Variants in GLIPR1L1 observed in about 807,000 individuals in gnomAD.
GLIPR1L1 encodes GLIPR1 like 1, also known as GLIPR1-like protein 1.
A neutral mutation model predicts 29.9 loss-of-function variants in GLIPR1L1; 26 were observed. The ratio of observed to expected loss-of-function variants is 0.87; its 90% CI spans 0.64 to 1.21. The LOEUF (loss-of-function observed/expected upper bound fraction) is 1.21, where lower values mean the gene tolerates loss of function less well. Among genes scored for constraint, GLIPR1L1 ranks in the 50% most tolerant of loss-of-function variants. The pLI, the probability that GLIPR1L1 is intolerant of heterozygous loss-of-function variation, is 0.00. For synonymous variants in GLIPR1L1, 77 were observed against 97.5 expected, an observed-to-expected ratio of 0.79 and a Z score of 1.24; for missense variants, 305 against 290.3, an observed-to-expected ratio of 1.05 and a Z score of -0.37.
chr12:75,349,988 G>A (rs1168887853), intron 3 of GLIPR1L1, among the ~76,000 whole-genome samples: 1 of 152,224 alleles, frequency 6.6e-6, no homozygotes, highest in East Asian at 1.9e-4. Flanking sequence ...TAAGAAGACC[G>A]GGTCCCGGGA....
At chr12:75,345,640 C>G (rs1415615211) in intron 2 of GLIPR1L1, among the ~76,000 whole-genome samples, 2 of 152,090 alleles carry the variant, frequency 1.3e-5, no homozygotes, top group East Asian at 3.9e-4. Flanking sequence ...CTCTCCAGGA[C>G]ATCAGGAAAA....
rs1027716489 is a variant in GLIPR1L1, at chr12:75,363,243, A to G, written c.610+53A>G. 7 of 832,336 alleles carry G rather than the reference A, an allele frequency of 8.4e-6. No homozygotes were observed. The African/African-American group carries it at 1.1e-4, about 13-fold the overall frequency. 51.6% of individuals were successfully genotyped at this position (832,336 alleles called of 1,614,324 possible). A position where few individuals can be genotyped will look rare whatever the true frequency, so the allele number is the denominator to read the frequency against. On this transcript the variant is annotated intron_variant, in intron 4 of 5. Coordinates refer to ENST00000378695, the MANE Select transcript of GLIPR1L1 (RefSeq NM_001304964.2). ...CATTTAGAGAGTAAAGTTTCCATAT[A>G]TTTATTAAATTTTAAAATTTGGCTT... is the stretch of plus-strand genomic sequence containing the variant.
intron 3 of GLIPR1L1, among the ~76,000 whole-genome samples, chr12:75,348,802 A>G (rs1032548468): frequency 1.3e-5 from 2 of 152,252 alleles, no homozygotes; most frequent in Non-Finnish European, 2.9e-5. Flanking sequence ...ATAAAAAGCA[A>G]AACAGATGAA....
In GLIPR1L1 at chr12:75,363,204, T is replaced by C; in HGVS notation, c.610+14T>C. On this transcript the variant is annotated intron_variant, in intron 4 of 5. Transcript: ENST00000378695. ...AGAACCTCTGCAGTAAGCAAAAATA[T>C]ATATATATAATTACATTTAGAGAGT... The C allele has an allele frequency of 8.2e-7, 1 of 1,212,960 alleles. No individual in the cohort carries two copies. The highest frequency in any genetic ancestry group is 1.1e-6 in the Non-Finnish European group (1 of 895,438). The allele number at this position is 1,212,960 out of a possible 1,614,324, so 75.1% of individuals were successfully genotyped here. A position where few individuals can be genotyped will look rare whatever the true frequency, so the allele number is the denominator to read the frequency against.
chr12:75,361,599 G>A (rs991890182), intron 3 of GLIPR1L1, among the ~76,000 whole-genome samples: 5 of 152,170 alleles, frequency 3.3e-5, no homozygotes, highest in Non-Finnish European at 7.4e-5. Context: ...ATGGTTCCAC[G>A]TGACTGGGGA....
At chr12:75,340,562 A>T (rs1482250892) in intron 1 of GLIPR1L1, among the ~76,000 whole-genome samples, 1 of 152,072 alleles carries the variant, frequency 6.6e-6, no homozygotes, top group Non-Finnish European at 1.5e-5. Context: ...ACCGAAAACT[A>T]TTTTTAAAAA....
intron 1 of GLIPR1L1, among the ~76,000 whole-genome samples, chr12:75,337,663 T>C (rs2041829022): frequency 6.6e-6 from 1 of 151,962 alleles, no homozygotes; most frequent in African/African-American, 2.4e-5. Context: ...TACCTCAAGA[T>C]TGGAATTTTT....
intron 1 of GLIPR1L1, among the ~76,000 whole-genome samples, chr12:75,339,953 C>A (rs1220427123): frequency 6.6e-6 from 1 of 152,056 alleles, no homozygotes; most frequent in Admixed American, 6.6e-5. Context: ...GTCCATCATT[C>A]TTATGTCCTC....
Position 75,339,112 on chromosome 12 carries a change from A to T in GLIPR1L1, c.174+4210A>T, listed in dbSNP as rs570469253. ...GAATGATCTATATTCCTTTGGGTACATACCCAGTAATGGGATTGCTGGGTC... is the reference window on the plus strand; with the variant it reads ...GAATGATCTATATTCCTTTGGGTACTTACCCAGTAATGGGATTGCTGGGTC... On this transcript the variant is annotated intron_variant, in intron 1 of 5. Coordinates refer to ENST00000378695, the MANE Select transcript of GLIPR1L1 (RefSeq NM_001304964.2). Among the ~76,000 whole-genome samples the T allele has an allele frequency of 5.3e-5, 8 of 152,362 alleles. No individual in the cohort carries two copies. In the South Asian group the frequency reaches 8.3e-4, roughly 16 times the overall value.
chr12:75,350,927 T>C (rs1040757456), intron 3 of GLIPR1L1, among the ~76,000 whole-genome samples: 1 of 152,124 alleles, frequency 6.6e-6, no homozygotes, highest in Non-Finnish European at 1.5e-5. Flanking sequence ...TTCTAACACA[T>C]TGCGAAGAAG....
At chr12:75,344,990 T>C (rs1045039969) in intron 2 of GLIPR1L1, among the ~76,000 whole-genome samples, 1 of 152,176 alleles carries the variant, frequency 6.6e-6, no homozygotes, top group Admixed American at 6.5e-5. Context: ...TTATCTCCTC[T>C]AGTTCTTGTA....
intron 2 of GLIPR1L1, among the ~76,000 whole-genome samples, chr12:75,344,643 T>C (rs1233626693): frequency 6.6e-6 from 1 of 152,106 alleles, no homozygotes; most frequent in African/African-American, 2.4e-5. Context: ...TGAATCGAAT[T>C]TTCTTCCATC....
At chr12:75,347,886 T>A (rs2042560942) in intron 3 of GLIPR1L1, among the ~76,000 whole-genome samples, 164 bp downstream of exon 3, 1 of 152,122 alleles carries the variant, frequency 6.6e-6, no homozygotes, top group African/African-American at 2.4e-5. Context: ...GGTGACAGAA[T>A]ATTGCCTTAC....
At chr12:75,351,140 G>T (rs189084623) in intron 3 of GLIPR1L1, among the ~76,000 whole-genome samples, 13 of 152,192 alleles carry the variant, frequency 8.5e-5, no homozygotes, top group African/African-American at 2.9e-4. Context: ...AGGCAGACAA[G>T]ATTAGAGAAA....
chr12:75,347,156 T>C (rs1290670880), intron 2 of GLIPR1L1, among the ~76,000 whole-genome samples: 1 of 152,018 alleles, frequency 6.6e-6, no homozygotes, highest in Non-Finnish European at 1.5e-5. Context: ...ACCTATGTCT[T>C]GTGACTTGAC....
intron 1 of GLIPR1L1, among the ~76,000 whole-genome samples, chr12:75,342,374 G>T (rs2042179655): frequency 6.6e-6 from 1 of 152,036 alleles, no homozygotes; most frequent in Non-Finnish European, 1.5e-5. Flanking sequence ...TTACCATTGG[G>T]AAAAGTAGGT....
intron 3 of GLIPR1L1, among the ~76,000 whole-genome samples, chr12:75,348,381 G>A (rs1038178817): frequency 3.3e-5 from 5 of 152,174 alleles, no homozygotes; most frequent in African/African-American, 1.2e-4. Context: ...AAGTACTAGA[G>A]AGAGGCAGAA....
chr12:75,343,557 A>G, intron 1 of GLIPR1L1, 136 bp from the exon 2 acceptor site: 1 of 684,150 alleles, frequency 1.5e-6, no homozygotes, highest in Non-Finnish European at 2.4e-6. Flanking sequence ...CTAACTATGC[A>G]CATAATAAAT....
At chr12:75,346,026 C>G (rs2042421795) in intron 2 of GLIPR1L1, among the ~76,000 whole-genome samples, 1 of 152,142 alleles carries the variant, frequency 6.6e-6, no homozygotes. Flanking sequence ...CACTTATCAC[C>G]TACTGATATT....
Sources: allele counts gnomAD v4.1 joint callset (sites outside exome capture counted in the v4.1 genomes callset), GRCh38; gene constraint gnomAD v4.1.1; transcripts MANE v1.5; gene names NCBI Gene and HGNC (gene_info 2026-07-23, HGNC 2026-07-21).